The following TEX11 variants were observed in gnomAD, a reference collection of about 807,000 sequenced individuals.
The protein encoded by TEX11 is testis expressed 11, also known as testis-expressed protein 11.
TEX11 carries 7 observed loss-of-function variants against 84.4 expected under a neutral mutation model. The ratio of observed to expected loss-of-function variants is 0.08; its 90% CI spans 0.05 to 0.16. The LOEUF (loss-of-function observed/expected upper bound fraction) is 0.16. TEX11 is among the 10% of genes least tolerant of loss of function. The pLI, the probability that TEX11 is intolerant of heterozygous loss-of-function variation, is 1.00. For missense variants in TEX11, 551 were observed against 660.5 expected (o/e 0.83, Z 1.82); for synonymous variants, 264 against 222.8 (o/e 1.18, Z -1.64).
intron 11 of TEX11, among the ~76,000 whole-genome samples, chrX:70,738,761 A>G (rs1298665379): frequency 1.8e-5 from 2 of 112,133 alleles, no homozygotes; most frequent in African/African-American, 6.5e-5. Flanking sequence ...ATGGAATACT[A>G]TGCAGCCATA....
At chrX:70,559,069 T>A (rs2088327561) in intron 25 of TEX11, among the ~76,000 whole-genome samples, 1 of 111,934 alleles carries the variant, frequency 8.9e-6, no homozygotes, top group African/African-American at 3.2e-5. Context: ...CTCCTAGGTA[T>A]ACACACACAA....
intron 28 of TEX11, among the ~76,000 whole-genome samples, chrX:70,542,223 A>T (rs758209503): frequency 5.4e-5 from 6 of 110,940 alleles, no homozygotes; most frequent in Non-Finnish European, 1.1e-4. Context: ...GTGCCCTTAT[A>T]AAAGAGACCC....
chrX:70,905,789 C>T (rs1204493099), intron 2 of TEX11, among the ~76,000 whole-genome samples: 2 of 108,257 alleles, frequency 1.8e-5, no homozygotes, highest in Non-Finnish European at 3.8e-5. Flanking sequence ...CAGTGACTCA[C>T]GCCTGTAATC....
chrX:70,690,312 C>T (rs2090223258), intron 13 of TEX11, among the ~76,000 whole-genome samples: 1 of 111,550 alleles, frequency 9.0e-6, no homozygotes, highest in Non-Finnish European at 1.9e-5. Context: ...TATAAGATGG[C>T]AATACTAGGG....
chrX:70,700,401 A>T (rs1462574666), intron 13 of TEX11, among the ~76,000 whole-genome samples: 1 of 111,988 alleles, frequency 8.9e-6, no homozygotes, highest in Non-Finnish European at 1.9e-5. Flanking sequence ...ACATTTAAGT[A>T]ATTCTCGCAA....
chrX:70,657,411 A>G (rs6625653), intron 16 of TEX11, among the ~76,000 whole-genome samples: 57,750 of 106,176 alleles, frequency 0.54, 13,190 homozygotes, highest in Middle Eastern at 0.73. Flanking sequence ...AAAATGAGAA[A>G]CAGTAAAGCT....
intron 9 of TEX11, among the ~76,000 whole-genome samples, chrX:70,791,997 T>C (rs183745148): frequency 0.011 from 1,200 of 106,697 alleles, 10 homozygotes; most frequent in African/African-American, 0.035. Flanking sequence ...TGGTGGCACA[T>C]GCCTGTAATT....
intron 20 of TEX11, among the ~76,000 whole-genome samples, chrX:70,618,077 C>T (rs1017513562): frequency 1.8e-5 from 2 of 112,246 alleles, no homozygotes; most frequent in Non-Finnish European, 3.8e-5. Context: ...GCAGGCAGAA[C>T]TGCATGCTGT....
intron 25 of TEX11, among the ~76,000 whole-genome samples, chrX:70,579,599 C>G (rs1047467397): frequency 9.1e-6 from 1 of 109,954 alleles, no homozygotes; most frequent in Non-Finnish European, 1.9e-5. Flanking sequence ...ACCCCTCTGA[C>G]AAGAGATTAA....
At position 70,889,198 on chromosome X, in the gene TEX11, C is replaced by T. The variant is rs771797348; in HGVS notation, c.38-9089G>A. Among the ~76,000 whole-genome samples the T allele has an allele frequency of 4.5e-5, 5 of 110,819 alleles. No individual in the cohort carries two copies. In the East Asian group the frequency reaches 1.4e-3, roughly 31 times the overall value. On this transcript the variant is annotated intron_variant, in intron 2 of 29. Transcript: ENST00000374333. ...TGGGAGGCCGAGGTGGGTGGATCACCTGAGCTCAGGAGTTTGAGACGAGCC... is the reference window on the plus strand; with the variant it reads ...TGGGAGGCCGAGGTGGGTGGATCACTTGAGCTCAGGAGTTTGAGACGAGCC...
chrX:70,517,648 C>T, the TEX11 span, among the ~76,000 whole-genome samples: 6 of 111,308 alleles, frequency 5.4e-5, no homozygotes, highest in South Asian at 3.8e-4. Flanking sequence ...AAATGAGTTA[C>T]GGAGGATTCC....
At position 70,591,794 on chromosome X, in the gene TEX11, C is replaced by A; in HGVS notation, c.2097G>T (p.Glu699Asp). ...TATGGATGTCATTGCATGTCTGGAT[C>A]TCCTCAAGTGCACGACTCAGGAACA... ...QTMFLSRALE[E>D]IQTCNDIHNF... The change falls in exon 25 of 30, where the codon GAG becomes GAT. Residue 699 changes from glutamate (E) to aspartate (D), a missense_variant. Coordinates refer to ENST00000374333, the MANE Select transcript of TEX11 (RefSeq NM_031276.3). The A allele has an allele frequency of 8.3e-7, 1 of 1,210,040 alleles. No homozygotes were observed. The highest frequency in any genetic ancestry group is 2.2e-5 in the Admixed American group (1 of 45,956).
At chrX:70,880,225 C>T in intron 2 of TEX11, 116 bp from the exon 3 acceptor site, 1 of 461,473 alleles carries the variant, frequency 2.2e-6, no homozygotes. Context: ...CATGAAGGAA[C>T]TTGATCCTTA....
At chrX:70,804,695 C>T (rs1348544401) in intron 9 of TEX11, among the ~76,000 whole-genome samples, 3 of 111,359 alleles carry the variant, frequency 2.7e-5, no homozygotes, top group African/African-American at 9.8e-5. Context: ...ACAAATATAG[C>T]CGCTAAGATA....
At chrX:70,515,065 T>TCACACACACACACA in the TEX11 span, among the ~76,000 whole-genome samples, 3 of 87,615 alleles carry the variant, frequency 3.4e-5, no homozygotes, top group Admixed American at 1.2e-4. Flanking sequence ...TGAAACTCGG[T>TCACACACACACACA]CACACACACA....
At chrX:70,651,936 C>G (rs2089816285) in intron 16 of TEX11, among the ~76,000 whole-genome samples, 1 of 111,499 alleles carries the variant, frequency 9.0e-6, no homozygotes, top group Non-Finnish European at 1.9e-5. Context: ...ATCTGGTAAG[C>G]ATTTGCAAAT....
At chrX:70,607,572 C>T (rs779439716) in intron 22 of TEX11, among the ~76,000 whole-genome samples, 1,354 of 108,338 alleles carry the variant, frequency 0.012, 7 homozygotes, top group Non-Finnish European at 0.02. Context: ...AGCAAAACTC[C>T]GTCTCAAAAA....
chrX:70,618,032 C>G, intron 20 of TEX11, among the ~76,000 whole-genome samples: 1 of 111,925 alleles, frequency 8.9e-6, no homozygotes, highest in Admixed American at 9.4e-5. Flanking sequence ...GGAAGGCTAC[C>G]ATCAGATCAA....
chrX:70,859,024 C>T (rs894555294), intron 5 of TEX11, among the ~76,000 whole-genome samples: 5 of 109,403 alleles, frequency 4.6e-5, no homozygotes, highest in Non-Finnish European at 9.5e-5. Context: ...AGTGACAGAG[C>T]GAGACTCTAT....
Sources: gnomAD v4.1 joint callset for allele counts (sites outside exome capture counted in the v4.1 genomes callset) on GRCh38, gnomAD v4.1.1 for gene constraint, MANE v1.5 for transcripts, NCBI Gene and HGNC (gene_info 2026-07-23, HGNC 2026-07-21) for gene names.